The following TRPM3 variants were observed in gnomAD, a reference collection of about 807,000 sequenced individuals.
TRPM3 encodes transient receptor potential cation channel subfamily M member 3.
TRPM3 carries 77 observed loss-of-function variants against 181.2 expected under a neutral mutation model. The observed-to-expected ratio is 0.42, with a 90% CI of 0.35 to 0.51. The LOEUF (loss-of-function observed/expected upper bound fraction) is 0.51. TRPM3 is among the 20% of genes least tolerant of loss of function. The pLI, the probability that TRPM3 is intolerant of heterozygous loss-of-function variation, is 0.01. For synonymous variants in TRPM3, 745 were observed against 796.4 expected (o/e 0.94, Z 1.09); for missense variants, 1,759 against 2,196.7 (o/e 0.80, Z 3.98).
intron 9 of TRPM3, among the ~76,000 whole-genome samples, chr9:70,652,522 G>A (rs2059724946): frequency 6.6e-6 from 1 of 152,160 alleles, no homozygotes; most frequent in African/African-American, 2.4e-5. Context: ...TGACACCAAG[G>A]AAAGGTAAAA....
At chr9:71,202,186 G>A (rs952506292) in intron 1 of TRPM3, among the ~76,000 whole-genome samples, 5 of 152,146 alleles carry the variant, frequency 3.3e-5, no homozygotes, top group African/African-American at 1.2e-4. Context: ...TCATTCCTCT[G>A]GAAGTTTTGT....
chr9:71,119,900 C>T (rs2073240625), intron 1 of TRPM3, among the ~76,000 whole-genome samples: 2 of 152,186 alleles, frequency 1.3e-5, no homozygotes, highest in African/African-American at 4.8e-5. Context: ...GCCTTTCCTC[C>T]TAAATAGTCC....
chr9:71,280,335 T>C lies in TRPM3; in HGVS notation c.183+166318A>G, dbSNP rs888593406. Among the ~76,000 whole-genome samples the C allele has an allele frequency of 5.7e-4, 86 of 152,156 alleles. 2 individuals carry two copies. The highest frequency in any genetic ancestry group is 2.2e-4 in the Non-Finnish European group (15 of 68,016). On this transcript the variant is annotated intron_variant, in intron 1 of 24. Coordinates refer to the TRPM3 transcript ENST00000357533. ...GTCTCATTATGATTTTGAAATTTTG[T>C]TTAAACAGAATGTTTGTGGAAAAAT...
At chr9:70,618,507 C>A (rs543317151) in intron 17 of TRPM3, among the ~76,000 whole-genome samples, 2 of 152,332 alleles carry the variant, frequency 1.3e-5, no homozygotes, top group African/African-American at 4.8e-5. Flanking sequence ...GGTTCAGGCA[C>A]CCTCTGCAGC....
At chr9:70,668,522 G>A (rs1471571584) in intron 9 of TRPM3, among the ~76,000 whole-genome samples, 2 of 151,748 alleles carry the variant, frequency 1.3e-5, no homozygotes, top group African/African-American at 2.4e-5. Context: ...AAAATTAGCT[G>A]GGCGTGGTGG....
intron 8 of TRPM3, among the ~76,000 whole-genome samples, chr9:70,749,225 T>G (rs2075712791): frequency 1.3e-5 from 2 of 152,180 alleles, no homozygotes; most frequent in South Asian, 4.1e-4. Flanking sequence ...CCTGAATTGA[T>G]GTACTGAATA....
chr9:71,032,058 T>A (rs1410305197), intron 1 of TRPM3, among the ~76,000 whole-genome samples: 669 of 10,134 alleles, frequency 0.066, 31 homozygotes, highest in East Asian at 0.48. Flanking sequence ...ATTATATATA[T>A]TATATATATT....
intron 3 of TRPM3, among the ~76,000 whole-genome samples, chr9:70,855,346 G>C (rs1194331012): frequency 6.6e-6 from 1 of 152,178 alleles, no homozygotes; most frequent in Non-Finnish European, 1.5e-5. Context: ...TTCTCAATTT[G>C]AGTTTTGGCA....
At chr9:71,067,670 C>T (rs985979727) in intron 1 of TRPM3, among the ~76,000 whole-genome samples, 2 of 152,174 alleles carry the variant, frequency 1.3e-5, no homozygotes, top group Non-Finnish European at 2.9e-5. Flanking sequence ...GTACTTAGGA[C>T]AGTGGTTAGC....
At chr9:71,233,411 T>C (rs2081185963) in intron 1 of TRPM3, among the ~76,000 whole-genome samples, 1 of 152,232 alleles carries the variant, frequency 6.6e-6, no homozygotes, top group African/African-American at 2.4e-5. Flanking sequence ...TTTAAAAAAT[T>C]ATATACAGTT....
chr9:71,364,460 T>C (rs2092266900), intron 1 of TRPM3, among the ~76,000 whole-genome samples: 1 of 152,238 alleles, frequency 6.6e-6, no homozygotes, highest in Non-Finnish European at 1.5e-5. Flanking sequence ...CCTCAACATA[T>C]CTGCCTTCAG....
intron 6 of TRPM3, among the ~76,000 whole-genome samples, chr9:70,784,705 A>T (rs2130860320): frequency 6.6e-6 from 1 of 152,324 alleles, no homozygotes; most frequent in Middle Eastern, 3.4e-3. Context: ...AAGTTAAAAA[A>T]TGCCACCTCC....
chr9:70,605,019 C>T (rs897853632), intron 19 of TRPM3, among the ~76,000 whole-genome samples: 3 of 136,774 alleles, frequency 2.2e-5, no homozygotes, highest in Non-Finnish European at 3.0e-5. Context: ...TGCAGTGGTG[C>T]GATCTCGGCT....
intron 22 of TRPM3, chr9:70,579,551 C>T (rs953004967): frequency 4.6e-5 from 7 of 152,192 alleles, no homozygotes; most frequent in Admixed American, 3.9e-4. Flanking sequence ...CTCCTCTCTT[C>T]CTTTCTCTCC....
rs764076378 is a variant in TRPM3 at position 70,549,661 on chromosome 9, G to A, written c.3588C>T (p.Thr1196=). ...CATGTACTTTCTTGAGCTCATCATC[G>A]GTTATGAAGAGTTCTGTGGAAAAAA... ...ERDYGLKLFI[T]DDELKKVHDF... The change falls in exon 25 of 26, where the codon ACC becomes ACT. Residue 1196 remains threonine (T), a synonymous_variant. Transcript: ENST00000677713. 1.7e-5 allele frequency: 27 copies of A among 1,603,666 alleles called. No homozygotes were observed. The highest frequency in any genetic ancestry group is 3.4e-5 in the Admixed American group (2 of 58,872).
chr9:71,438,949 A>C lies in TRPM3; in HGVS notation c.183+7704T>G, dbSNP rs2094091422. Among the ~76,000 whole-genome samples, 3 of 152,240 alleles carry C rather than the reference A, an allele frequency of 2.0e-5. No homozygotes were observed. In the South Asian group the frequency reaches 6.2e-4, roughly 31 times the overall value. On this transcript the variant is annotated intron_variant, in intron 1 of 24. Coordinates refer to the TRPM3 transcript ENST00000357533. ...CTTCCCAAAGTCCTTGAGCTTCATG[A>C]AGAGATTAATTTTATAACTACAATC... is the stretch of plus-strand genomic sequence containing the variant.
chr9:70,594,699 T>TTGCATAATATTTTCA, intron 21 of TRPM3, among the ~76,000 whole-genome samples: 1 of 152,184 alleles, frequency 6.6e-6, no homozygotes, highest in Non-Finnish European at 1.5e-5. Flanking sequence ...AGACTCATAG[T>TTGCATAATATTTTCA]ACCAATTTCA....
At chr9:71,075,856 G>A (rs947818780) in intron 1 of TRPM3, among the ~76,000 whole-genome samples, 1 of 152,148 alleles carries the variant, frequency 6.6e-6, no homozygotes, top group Non-Finnish European at 1.5e-5. Context: ...TGTCAACGGA[G>A]TGCATTAAGA....
At chr9:71,232,624 G>A (rs963570711) in intron 1 of TRPM3, among the ~76,000 whole-genome samples, 6 of 147,468 alleles carry the variant, frequency 4.1e-5, no homozygotes, top group East Asian at 4.1e-4. Flanking sequence ...CCTCAGCCTC[G>A]CAAGTAGCTG....
Sources: gnomAD v4.1 joint callset for allele counts (sites outside exome capture counted in the v4.1 genomes callset) on GRCh38, gnomAD v4.1.1 for gene constraint, MANE v1.5 for transcripts, NCBI Gene and HGNC (gene_info 2026-07-23, HGNC 2026-07-21) for gene names.